Variants in CCDC194 observed in about 807,000 individuals in gnomAD.
CCDC194 encodes coiled-coil domain containing 194.
Under a neutral mutation model 4.9 loss-of-function variants are expected in CCDC194, and 8 were observed. The observed-to-expected ratio is 1.65, with a 90% CI of 0.97 to 2.97. CCDC194 has a LOEUF of 2.97. Among genes scored for constraint, CCDC194 ranks in the 30% most tolerant of loss-of-function variants. The pLI, the probability that CCDC194 is intolerant of heterozygous loss-of-function variation, is 0.00. For synonymous variants in CCDC194, 13 were observed against 17.0 expected (o/e 0.76, Z 0.58); for missense variants, 52 against 43.1 (o/e 1.21, Z -0.58).
At chr19:17,389,941 G>A (rs2074648047), downstream of CCDC194, among the ~76,000 whole-genome samples, 1 of 152,178 alleles carries the variant, frequency 6.6e-6, no homozygotes, top group Non-Finnish European at 1.5e-5. Context: ...CTCCAGCCTG[G>A]GCGACAACAG....
At chr19:17,391,226 G>A (rs1168187671) in exon 3 of CCDC194, 31 of 400,106 alleles carry the variant, frequency 7.7e-5, no homozygotes, top group Non-Finnish European at 1.3e-4. Context: ...TTCGCGCAGC[G>A]CCGCCTCCCG....
chr19:17,391,086 GC>G (rs3078449), intron 3 of CCDC194, 124 bp downstream of exon 3: 5,360 of 360,136 alleles, frequency 0.015, 217 homozygotes, highest in African/African-American at 0.097. Flanking sequence ...AATCAACAAT[GC>G]CCCCCCCCCA....
At chr19:17,392,459 C>A (rs8107783) in intron 1 of CCDC194, among the ~76,000 whole-genome samples, 110,825 of 152,088 alleles carry the variant, frequency 0.73, 42,953 homozygotes, top group Non-Finnish European at 0.88. Context: ...GACAAAAGAG[C>A]ATGACTCCGT....
downstream of CCDC194, among the ~76,000 whole-genome samples, chr19:17,387,735 A>G (rs1249877917): frequency 1.3e-5 from 2 of 151,986 alleles, no homozygotes; most frequent in African/African-American, 4.8e-5. Context: ...AAAAAAAAAG[A>G]AAGAAAGAAA....
Position 17,391,669 on chromosome 19 carries a change from A to G in CCDC194, c.421+81T>C, listed in dbSNP as rs1203905485. ...CCGTGTTATTTGCATTACGTTTGCA[A>G]CTGTGCTTGTTTGGATAACTAGGAT... On this transcript the variant is annotated intron_variant, in intron 2 of 3. Coordinates refer to ENST00000636079, the Ensembl canonical transcript of CCDC194. 3 of 1,534,842 alleles carry G rather than the reference A, an allele frequency of 2.0e-6. No homozygotes were observed. In the African/African-American group the frequency reaches 4.1e-5, roughly 21 times the overall value.
intron 1 of CCDC194, among the ~76,000 whole-genome samples, chr19:17,393,545 C>T (rs1349439016): frequency 1.3e-5 from 2 of 152,154 alleles, no homozygotes; most frequent in Non-Finnish European, 2.9e-5. Context: ...TTCACCATCA[C>T]GCCAGGCTAA....
downstream of CCDC194, among the ~76,000 whole-genome samples, chr19:17,390,254 A>T (rs73921415): frequency 0.027 from 4,043 of 152,060 alleles, 190 homozygotes; most frequent in African/African-American, 0.094. This position sits in a 1 kb window ranked among gnomAD's most constrained non-coding sequence, Gnocchi z 5.5. Context: ...GTTAGAGGGG[A>T]CTTCAAATCC....
rs1200574700 is a variant in CCDC194 at position 17,390,787 on chromosome 19, C to T, written c.555-128G>A. 2.0e-5 allele frequency: 8 copies of T among 393,486 alleles called. No homozygotes were observed. The highest frequency in any genetic ancestry group is 3.6e-5 in the Non-Finnish European group (8 of 222,990). The allele number at this position is 393,486 out of a possible 1,614,324, so 24.4% of individuals were successfully genotyped here. ...CAGAGATCCCCATCTCCCAGGGTTT[C>T]CCGCTCCCCAGGATCCGGCATCCGT... is the stretch of plus-strand genomic sequence containing the variant. On this transcript the variant is annotated intron_variant, in intron 3 of 3. Coordinates refer to ENST00000636079, the Ensembl canonical transcript of CCDC194. The surrounding 1 kb of genome is among the most constrained non-coding windows in gnomAD (Gnocchi z 5.5).
chr19:17,387,381 T>C (rs972567480), downstream of CCDC194, among the ~76,000 whole-genome samples: 2 of 152,026 alleles, frequency 1.3e-5, no homozygotes, highest in East Asian at 3.9e-4. Flanking sequence ...TCAGAGATAT[T>C]TGGATAAAAG....
exon 1 of CCDC194, chr19:17,393,958 G>C (rs2074664587): frequency 2.5e-6 from 1 of 395,046 alleles, no homozygotes; most frequent in Admixed American, 4.4e-5. Context: ...GCCGCAGGTC[G>C]TCGACCCCAG....
chr19:17,391,720 C>T (rs760739050), intron 2 of CCDC194, 30 bp downstream of exon 2: 19 of 1,535,734 alleles, frequency 1.2e-5, no homozygotes, highest in Non-Finnish European at 1.7e-5. Context: ...CCACTTCTAT[C>T]CCTGCCCACT....
exon 1 of CCDC194, chr19:17,393,961 G>C (rs2074664600): frequency 2.5e-6 from 1 of 395,030 alleles, no homozygotes; most frequent in Non-Finnish European, 4.5e-6. Context: ...GCAGGTCGTC[G>C]ACCCCAGGCG....
chr19:17,391,502 A>AT, intron 2 of CCDC194, 159 bp from the exon 3 acceptor site: 1 of 819,394 alleles, frequency 1.2e-6, no homozygotes, highest in East Asian at 2.7e-5. Context: ...TGCCATTTGC[A>AT]TAGCTTTTCA....
chr19:17,388,708 G>A (rs944860457), downstream of CCDC194, among the ~76,000 whole-genome samples: 1 of 152,040 alleles, frequency 6.6e-6, no homozygotes, highest in Non-Finnish European at 1.5e-5. Context: ...TCCCTATGTT[G>A]CCCAGACTGG....
At chr19:17,391,879 A>T in intron 1 of CCDC194, 33 bp from the exon 2 acceptor site, 1 of 1,469,712 alleles carries the variant, frequency 6.8e-7, no homozygotes, top group Non-Finnish European at 9.0e-7. Flanking sequence ...GAGGGGGTGT[A>T]GGCAGAGGAG....
At chr19:17,388,751 C>T (rs552267744), downstream of CCDC194, among the ~76,000 whole-genome samples, 31 of 152,282 alleles carry the variant, frequency 2.0e-4, 1 homozygote, top group South Asian at 6.4e-3. Flanking sequence ...GATCCTCCCG[C>T]CTTAGCCTCC....
At chr19:17,389,558 T>C (rs1195481907), downstream of CCDC194, among the ~76,000 whole-genome samples, 1 of 152,178 alleles carries the variant, frequency 6.6e-6, no homozygotes, top group Non-Finnish European at 1.5e-5. Context: ...ATGTGTTTTT[T>C]CCCCCACAAT....
chr19:17,391,494 C>T, intron 2 of CCDC194, 151 bp from the exon 3 acceptor site: 2 of 742,100 alleles, frequency 2.7e-6, no homozygotes, highest in Non-Finnish European at 4.3e-6. Context: ...CTTCCACGTG[C>T]CATTTGCATA....
downstream of CCDC194, among the ~76,000 whole-genome samples, chr19:17,387,757 A>G (rs1372583784): frequency 6.6e-6 from 1 of 152,084 alleles, no homozygotes; most frequent in African/African-American, 2.4e-5. Flanking sequence ...AAAGTACACA[A>G]CTTATCAATC....
Sources: allele counts gnomAD v4.1 joint callset (sites outside exome capture counted in the v4.1 genomes callset), GRCh38; gene constraint gnomAD v4.1.1; non-coding constraint Gnocchi (gnomAD v3.1); transcripts MANE v1.5; gene names NCBI Gene and HGNC (gene_info 2026-07-23, HGNC 2026-07-21).